The following GRM7 variants were observed in gnomAD, a reference collection of about 807,000 sequenced individuals.
The protein encoded by GRM7 is glutamate metabotropic receptor 7.
GRM7 carries 35 observed loss-of-function variants against 84.5 expected under a neutral mutation model. That is an observed-to-expected ratio of 0.41 (90% CI 0.32 to 0.55). The LOEUF (loss-of-function observed/expected upper bound fraction) is 0.55, where lower values mean the gene tolerates loss of function less well. Among genes scored for constraint, GRM7 ranks in the 20% least tolerant of loss-of-function variants. GRM7 has a pLI of 0.19. For synonymous variants in GRM7, 487 were observed against 455.1 expected, an observed-to-expected ratio of 1.07 and a Z score of -0.89; for missense variants, 1,003 against 1,194.6, an observed-to-expected ratio of 0.84 and a Z score of 2.36.
chr3:7,227,468 A>G (rs910607466), intron 2 of GRM7, among the ~76,000 whole-genome samples: 10 of 152,200 alleles, frequency 6.6e-5, no homozygotes, highest in African/African-American at 2.4e-4. Context: ...ATGAGCTCAG[A>G]GAGACCTCCT....
At chr3:6,902,224 G>T (rs563993876) in intron 1 of GRM7, among the ~76,000 whole-genome samples, 1 of 152,150 alleles carries the variant, frequency 6.6e-6, no homozygotes, top group African/African-American at 2.4e-5. Context: ...TATTACTTCA[G>T]GTCCACAGAA....
At chr3:7,076,264 C>T (rs1698072886) in intron 1 of GRM7, among the ~76,000 whole-genome samples, 2 of 152,108 alleles carry the variant, frequency 1.3e-5, no homozygotes, top group Non-Finnish European at 2.9e-5. Context: ...TTTCTTCCTG[C>T]ACCTGATATG....
rs145942670 is a variant in GRM7 at position 7,578,738 on chromosome 3, C to T, written c.1832C>T (p.Thr611Ile). The change falls in exon 8 of 10, where the codon ACT becomes ATT. Residue 611 changes from threonine to isoleucine, a missense_variant. By Grantham distance (89) the Thr-to-Ile change is moderately conservative. Around this residue, in one of 2 missense-constraint regions of GRM7, gnomAD observed 910 missense variants for 1,126.0 expected, o/e 0.81. Coordinates refer to ENST00000357716, the MANE Select transcript of GRM7 (RefSeq NM_000844.4). ...GIIATIFVMA[T>I]FIRYNDTPIV... ...ATTGCCACCATCTTTGTCATGGCCA[C>T]TTTCATCCGCTACAATGACACGCCC... 132 of 1,614,154 alleles carry T rather than the reference C, an allele frequency of 8.2e-5. 1 individual carries two copies. The highest frequency in any genetic ancestry group is 7.0e-4 in the South Asian group (64 of 91,084).
chr3:7,693,208 G>A (rs1478337299), intron 9 of GRM7, among the ~76,000 whole-genome samples: 1 of 152,032 alleles, frequency 6.6e-6, no homozygotes, highest in Non-Finnish European at 1.5e-5. Flanking sequence ...GAGTTCAAAC[G>A]ATGAGTCTTC....
chr3:6,909,058 C>G (rs1696678941), intron 1 of GRM7, among the ~76,000 whole-genome samples: 1 of 152,150 alleles, frequency 6.6e-6, no homozygotes, highest in Non-Finnish European at 1.5e-5. Flanking sequence ...TAAATCCTTT[C>G]ATGAATTCAA....
intron 1 of GRM7, among the ~76,000 whole-genome samples, chr3:6,873,703 A>T (rs1298300856): frequency 6.6e-6 from 1 of 152,160 alleles, no homozygotes; most frequent in African/African-American, 2.4e-5. Flanking sequence ...TTATTCCATT[A>T]TCCCCTAACT....
At chr3:7,088,703 G>A (rs113421073) in intron 1 of GRM7, among the ~76,000 whole-genome samples, 1 of 44,074 alleles carries the variant, frequency 2.3e-5, no homozygotes, top group African/African-American at 3.0e-4. Flanking sequence ...CTTATTCATC[G>A]AAGCACCAGT....
At chr3:7,268,364 A>G (rs1698726297) in intron 2 of GRM7, among the ~76,000 whole-genome samples, 1 of 151,688 alleles carries the variant, frequency 6.6e-6, no homozygotes, top group Non-Finnish European at 1.5e-5. Context: ...GCTGAGGTGG[A>G]AGGATTAGTT....
chr3:7,228,884 T>A (rs1363734844), intron 2 of GRM7, among the ~76,000 whole-genome samples: 1 of 152,262 alleles, frequency 6.6e-6, no homozygotes, highest in Non-Finnish European at 1.5e-5. Flanking sequence ...GTGATGAAGA[T>A]GTGGTCAACC....
At chr3:7,643,512 C>G (rs1019502424) in intron 8 of GRM7, among the ~76,000 whole-genome samples, 9 of 152,102 alleles carry the variant, frequency 5.9e-5, no homozygotes, top group African/African-American at 2.2e-4. Context: ...CTTTAAAATG[C>G]TAGTCATTTA....
chr3:7,347,404 A>C (rs576998187), intron 4 of GRM7, among the ~76,000 whole-genome samples: 2 of 152,186 alleles, frequency 1.3e-5, no homozygotes, highest in African/African-American at 4.8e-5. Flanking sequence ...GCTTTAGTTC[A>C]CCTGTGATAT....
At chr3:7,589,001 A>T (rs1695650620) in intron 8 of GRM7, among the ~76,000 whole-genome samples, 1 of 152,242 alleles carries the variant, frequency 6.6e-6, no homozygotes, top group African/African-American at 2.4e-5. Flanking sequence ...GGGTTTTAGC[A>T]TCAAGGCCAG....
intron 7 of GRM7, among the ~76,000 whole-genome samples, chr3:7,520,491 ACT>A (rs533997608): frequency 1.0e-4 from 14 of 140,652 alleles, no homozygotes; most frequent in African/African-American, 3.4e-4. Flanking sequence ...AATTCAAATG[ACT>A]CTCTAGACCT....
At chr3:7,017,670 C>G (rs1183812607) in intron 1 of GRM7, among the ~76,000 whole-genome samples, 2 of 152,156 alleles carry the variant, frequency 1.3e-5, no homozygotes, top group Non-Finnish European at 2.9e-5. Context: ...ATACTGACAC[C>G]TGGGCCTAAC....
chr3:6,929,610 C>T (rs1697428164), intron 1 of GRM7, among the ~76,000 whole-genome samples: 1 of 151,970 alleles, frequency 6.6e-6, no homozygotes, highest in African/African-American at 2.4e-5. Context: ...ATATTGTCTA[C>T]AATTGTAAGA....
chr3:7,649,100 C>T (rs112880958), intron 8 of GRM7, among the ~76,000 whole-genome samples: 27,328 of 151,294 alleles, frequency 0.18, 2,790 homozygotes, highest in Non-Finnish European at 0.23. Flanking sequence ...GATGGAGTCT[C>T]GCTCTGTTGC....
intron 7 of GRM7, among the ~76,000 whole-genome samples, chr3:7,508,607 T>G (rs3804938): frequency 0.29 from 44,048 of 152,010 alleles, 7,255 homozygotes; most frequent in East Asian, 0.61. Context: ...CTGGAATATA[T>G]TCCCAAGGGT....
intron 2 of GRM7, among the ~76,000 whole-genome samples, chr3:7,211,166 A>G (rs1696413416): frequency 6.6e-6 from 1 of 152,220 alleles, no homozygotes; most frequent in African/African-American, 2.4e-5. Flanking sequence ...AAAGTACCCC[A>G]CCTTTGATTA....
At chr3:7,002,604 A>G (rs565404375) in intron 1 of GRM7, among the ~76,000 whole-genome samples, 4 of 152,292 alleles carry the variant, frequency 2.6e-5, no homozygotes, top group Admixed American at 2.6e-4. Flanking sequence ...TAAGAGGCAT[A>G]AAGAGTTATA....
Sources: allele counts gnomAD v4.1 joint callset (sites outside exome capture counted in the v4.1 genomes callset), GRCh38; gene constraint gnomAD v4.1.1; regional missense constraint gnomAD v4.1.1; transcripts MANE v1.5; gene names NCBI Gene and HGNC (gene_info 2026-07-23, HGNC 2026-07-21).